The following CPAMD8 variants were observed in gnomAD, a reference collection of about 807,000 sequenced individuals.
The protein encoded by CPAMD8 is C3 and PZP-like alpha-2-macroglobulin domain-containing protein 8.
CPAMD8 carries 146 observed loss-of-function variants against 224.7 expected under a neutral mutation model. The ratio of observed to expected loss-of-function variants is 0.65; its 90% CI spans 0.57 to 0.75. The LOEUF (loss-of-function observed/expected upper bound fraction) is 0.75. Ranked by LOEUF, CPAMD8 falls within the 30% of genes least tolerant of loss-of-function variation. The pLI, the probability that CPAMD8 is intolerant of heterozygous loss-of-function variation, is 0.00. For synonymous variants in CPAMD8, 966 were observed against 1,044.6 expected, an observed-to-expected ratio of 0.92 and a Z score of 1.45; for missense variants, 2,301 against 2,537.5, an observed-to-expected ratio of 0.91 and a Z score of 2.00.
chr19:16,931,155 C>T (rs552088692), intron 23 of CPAMD8, among the ~76,000 whole-genome samples: 5 of 152,292 alleles, frequency 3.3e-5, no homozygotes, highest in East Asian at 1.9e-4. Flanking sequence ...AGGCTGAACC[C>T]GAGCATTCCA....
intron 18 of CPAMD8, among the ~76,000 whole-genome samples, chr19:16,965,138 T>C (rs770868664): frequency 2.6e-5 from 4 of 151,850 alleles, no homozygotes; most frequent in Non-Finnish European, 5.9e-5. Context: ...CGGGCGCCTG[T>C]AGTCCCAGCT....
At chr19:16,996,312 T>C (rs1195526035) in intron 11 of CPAMD8, among the ~76,000 whole-genome samples, 4 of 152,134 alleles carry the variant, frequency 2.6e-5, no homozygotes, top group African/African-American at 7.2e-5. Flanking sequence ...CACTCCAGCC[T>C]GGGCGACAGA....
intron 25 of CPAMD8, among the ~76,000 whole-genome samples, chr19:16,925,776 T>C (rs753237518): frequency 6.6e-6 from 1 of 151,484 alleles, no homozygotes; most frequent in Non-Finnish European, 1.5e-5. Flanking sequence ...TTTTTTGAGA[T>C]GGAGTCTCAC....
In CPAMD8 at chr19:16,898,044, G is replaced by T; in HGVS notation, c.4849-50C>A. 1.4e-6 allele frequency: 2 copies of T among 1,405,862 alleles called. No individual in the cohort carries two copies. Among genetic ancestry groups the T allele is most frequent in the Non-Finnish European group, 2.0e-6 (2 of 1,022,298 alleles). The allele number at this position is 1,405,862 out of a possible 1,614,324, so 87.1% of individuals were successfully genotyped here. ...CTCGACCCGGGCCAGGAGGCCCGGG[G>T]CGCTGAGCTCAGGCCCAGAACTGGC... is the stretch of plus-strand genomic sequence containing the variant. On this transcript the variant is annotated intron_variant, in intron 37 of 41. Transcript: ENST00000443236. The surrounding 1 kb of genome is among the most constrained non-coding windows in gnomAD (Gnocchi z 4.2).
intron 9 of CPAMD8, 97 bp from the exon 10 acceptor site, chr19:17,000,619 T>C (rs919468955): frequency 1.7e-5 from 11 of 659,476 alleles, no homozygotes; most frequent in Admixed American, 4.3e-5. Context: ...TGGCCACTAG[T>C]ACAGTGATGG....
chr19:16,997,372 C>T (rs755876762), intron 10 of CPAMD8, 34 bp from the exon 11 acceptor site: 19 of 1,299,818 alleles, frequency 1.5e-5, no homozygotes, highest in Admixed American at 1.2e-4. Flanking sequence ...CGTGCTCACT[C>T]AGGGTTGGAG....
At position 16,898,230 on chromosome 19, in the gene CPAMD8, G is replaced by T. The variant is rs1299393620; in HGVS notation, c.4849-236C>A. 7 of 437,266 alleles carry T rather than the reference G, an allele frequency of 1.6e-5. No individual in the cohort carries two copies. The highest frequency in any genetic ancestry group is 2.8e-5 in the Non-Finnish European group (7 of 248,988). 27.1% of individuals were successfully genotyped at this position (437,266 alleles called of 1,614,324 possible). A position where few individuals can be genotyped will look rare whatever the true frequency, so the allele number is the denominator to read the frequency against. ...CGTGATCTCGGCTCACTGCAAGCTC[G>T]GCCTCCTGGGTTCAAATGATTCTCC... On this transcript the variant is annotated intron_variant, in intron 37 of 41. Transcript: ENST00000443236. This position sits in a 1 kb window ranked among gnomAD's most constrained non-coding sequence, Gnocchi z 4.2.
chr19:16,938,587 A>G, intron 22 of CPAMD8, 141 bp from the exon 23 acceptor site: 1 of 600,136 alleles, frequency 1.7e-6, no homozygotes, highest in Non-Finnish European at 2.9e-6. Flanking sequence ...TGGTATCAGC[A>G]CGGTCACACC....
chr19:17,004,421 G>A, intron 7 of CPAMD8, 35 bp from the exon 8 acceptor site: 4 of 1,393,814 alleles, frequency 2.9e-6, no homozygotes, highest in Non-Finnish European at 4.1e-6. Flanking sequence ...CTTTTTCAGA[G>A]AGCCACAGAC....
At chr19:16,960,513 T>A (rs562038792) in intron 18 of CPAMD8, among the ~76,000 whole-genome samples, 1 of 152,102 alleles carries the variant, frequency 6.6e-6, no homozygotes, top group Non-Finnish European at 1.5e-5. Context: ...TTCCAAGACT[T>A]GTTGTTAACT....
intron 13 of CPAMD8, 152 bp downstream of exon 13, chr19:16,989,491 T>C (rs2122882891): frequency 3.4e-6 from 3 of 879,092 alleles, no homozygotes; most frequent in Non-Finnish European, 5.1e-6. Context: ...TTCACCATGC[T>C]GGCCAGGCTG....
rs930801780 is a variant in CPAMD8, at chr19:16,950,371, C to T, written c.2508+1598G>A. Among the ~76,000 whole-genome samples the T allele has an allele frequency of 5.3e-5, 8 of 152,182 alleles. 1 individual carries two copies. The South Asian group carries it at 1.7e-3, about 32-fold the overall frequency. Reference sequence around the variant, plus strand: ...CCAGCACCAGCTGCAGAAGTACATGCCCCACCAAAACTGAGTGAGTGGGAT... The same window carrying T: ...CCAGCACCAGCTGCAGAAGTACATGTCCCACCAAAACTGAGTGAGTGGGAT... On this transcript the variant is annotated intron_variant, in intron 20 of 41. Transcript: ENST00000443236.
Position 16,902,785 on chromosome 19 carries a change from C to T in CPAMD8, c.4549G>A (p.Ala1517Thr). Residue 1517 changes from alanine (A) to threonine (T), a missense_variant, in exon 35 of 42, where the codon GCC (alanine) becomes ACC (threonine). Ala to Thr is a moderately conservative substitution (Grantham distance 58). Around this residue, in one of 4 missense-constraint regions of CPAMD8, gnomAD observed 1,709 missense variants for 1,753.2 expected, o/e 0.97. Coordinates refer to ENST00000443236, the MANE Select transcript of CPAMD8 (RefSeq NM_015692.5). ...QLLVSLQEPE[A>T]QGRPPPMPAS... Reference sequence around the variant, plus strand: ...GGCATGGGGGGCGGGCGTCCCTGGGCCTCAGGCTCCTGGAGGCTTACGAGC... The same window carrying T: ...GGCATGGGGGGCGGGCGTCCCTGGGTCTCAGGCTCCTGGAGGCTTACGAGC... 1 of 1,588,618 alleles carries T rather than the reference C, an allele frequency of 6.3e-7. No individual in the cohort carries two copies. The highest frequency in any genetic ancestry group is 8.6e-7 in the Non-Finnish European group (1 of 1,163,622).
At chr19:16,993,295 G>A in intron 12 of CPAMD8, 121 bp downstream of exon 12, 3 of 736,190 alleles carry the variant, frequency 4.1e-6, no homozygotes, top group Non-Finnish European at 6.7e-6. Context: ...AGTGGAATGT[G>A]TACTCCTGCA....
rs143659566 is a variant in CPAMD8 at position 17,011,749 on chromosome 19, C to T, written c.276G>A (p.Thr92=). The T allele has an allele frequency of 2.6e-4, 420 of 1,613,322 alleles. 1 individual carries two copies. The African/African-American group carries it at 4.6e-3, about 18-fold the overall frequency. Residue 92 remains threonine (T), a synonymous_variant, in exon 4 of 42, where the codon ACG becomes ACA. Transcript: ENST00000443236. ...DKGTIKLKVP[T]GLRGQALLKV... ...TCAGAAGCGCTTGGCCCCGGAGGCC[C>T]GTGGGCACCTGCAGGCAGAGGAAGG...
chr19:16,938,987 C>CTCTTA (rs1887078508), intron 22 of CPAMD8, among the ~76,000 whole-genome samples: 1 of 152,134 alleles, frequency 6.6e-6, no homozygotes. Context: ...CTGTCTCAGT[C>CTCTTA]TCTTAAAAAG....
At chr19:16,919,210 GA>G (rs71180344) in intron 27 of CPAMD8, among the ~76,000 whole-genome samples, 74,478 of 146,696 alleles carry the variant, frequency 0.51, 19,988 homozygotes, top group Non-Finnish European at 0.61. Flanking sequence ...CTCAAAAAAA[GA>G]AAAAAAAAAA....
Position 16,896,667 on chromosome 19 carries a change from TG to T in CPAMD8, c.5066-3del. ...GGCCCGACTCGCCGGGGAACCAGCC[TG>T]GGGGACGAGGCAGGCTCGACAGACC... On this transcript the variant is annotated splice_region_variant and splice_polypyrimidine_tract_variant and intron_variant, in intron 39 of 41. Coordinates refer to ENST00000443236, the MANE Select transcript of CPAMD8 (RefSeq NM_015692.5). 2.8e-6 allele frequency: 4 copies of T among 1,452,018 alleles called. No homozygotes were observed. Among genetic ancestry groups the T allele is most frequent in the South Asian group, 1.4e-5 (1 of 73,252 alleles). 89.9% of individuals were successfully genotyped at this position (1,452,018 alleles called of 1,614,324 possible). A position where few individuals can be genotyped will look rare whatever the true frequency, so the allele number is the denominator to read the frequency against.
At chr19:17,015,946 C>A (rs968735989) in intron 3 of CPAMD8, among the ~76,000 whole-genome samples, 1 of 152,142 alleles carries the variant, frequency 6.6e-6, no homozygotes, top group Admixed American at 6.6e-5. Flanking sequence ...GACCTCCAGC[C>A]TTCTTTCCGT....
Sources: gnomAD v4.1 joint callset for allele counts (sites outside exome capture counted in the v4.1 genomes callset) on GRCh38, gnomAD v4.1.1 for gene constraint, gnomAD v4.1.1 regional missense constraint, Gnocchi (gnomAD v3.1) non-coding constraint, MANE v1.5 for transcripts, NCBI Gene and HGNC (gene_info 2026-07-23, HGNC 2026-07-21) for gene names.